Variants in PDE11A observed in about 807,000 individuals in gnomAD.
PDE11A encodes phosphodiesterase 11A, also known as dual 3',5'-cyclic-AMP and -GMP phosphodiesterase 11A.
In PDE11A, 100 loss-of-function variants were observed where a neutral mutation model predicts 100.5. The observed-to-expected ratio is 1.00, with a 90% CI of 0.85 to 1.18. PDE11A has a LOEUF of 1.18. Ranked by LOEUF, PDE11A falls within the 50% of genes most tolerant of loss-of-function variation. The pLI, the probability that PDE11A is intolerant of heterozygous loss-of-function variation, is 0.00. For missense variants in PDE11A, 1,141 were observed against 1,152.6 expected, an observed-to-expected ratio of 0.99 and a Z score of 0.15; for synonymous variants, 381 against 420.8, an observed-to-expected ratio of 0.91 and a Z score of 1.16.
At chr2:177,977,437 G>C (rs2105800218) in intron 2 of PDE11A, among the ~76,000 whole-genome samples, 1 of 133,396 alleles carries the variant, frequency 7.5e-6, no homozygotes, top group East Asian at 2.1e-4. Context: ...GGAAATAAAA[G>C]AGGACACAAA....
intron 5 of PDE11A, among the ~76,000 whole-genome samples, chr2:177,855,793 C>G: frequency 6.6e-6 from 1 of 151,970 alleles, no homozygotes; most frequent in Non-Finnish European, 1.5e-5. Flanking sequence ...ATAACACTTG[C>G]AGCTAACAAG....
chr2:177,954,681 A>C (rs985348267), intron 2 of PDE11A, among the ~76,000 whole-genome samples: 3 of 152,184 alleles, frequency 2.0e-5, no homozygotes, highest in African/African-American at 7.2e-5. Flanking sequence ...GCCATTCTGG[A>C]ATTTATCAAA....
At chr2:177,656,859 G>T (rs2080393978) in intron 19 of PDE11A, among the ~76,000 whole-genome samples, 1 of 152,232 alleles carries the variant, frequency 6.6e-6, no homozygotes, top group Non-Finnish European at 1.5e-5. Flanking sequence ...ATGGACCAAA[G>T]GGCTAGTGAG....
Position 178,023,443 on chromosome 2 carries a change from G to A in PDE11A, c.913-8983C>T, listed in dbSNP as rs1002625431. On this transcript the variant is annotated intron_variant, in intron 1 of 19. Coordinates refer to ENST00000286063, the MANE Select transcript of PDE11A (RefSeq NM_016953.4). ...GATTCAGAGTTGAGAATCTTATCCA[G>A]GTCCCACATTCATGGCAAAGATGGG... 2.0e-5 allele frequency among the ~76,000 whole-genome samples: 3 copies of A among 152,140 alleles called. No individual in the cohort carries two copies. The East Asian group carries it at 5.8e-4, about 29-fold the overall frequency.
intron 6 of PDE11A, among the ~76,000 whole-genome samples, chr2:177,832,576 T>C (rs1378776903): frequency 2.0e-5 from 3 of 151,854 alleles, no homozygotes; most frequent in African/African-American, 7.3e-5. Flanking sequence ...TATCTATCTA[T>C]CTATCTATCT....
intron 10 of PDE11A, among the ~76,000 whole-genome samples, chr2:177,728,385 G>A (rs1246529076): frequency 7.2e-6 from 1 of 139,330 alleles, no homozygotes; most frequent in Non-Finnish European, 1.6e-5. Context: ...TTGGGGGCGG[G>A]GGGAGGGAAA....
chr2:177,692,999 T>C (rs1216542012), intron 15 of PDE11A, among the ~76,000 whole-genome samples: 1 of 152,146 alleles, frequency 6.6e-6, no homozygotes, highest in African/African-American at 2.4e-5. Context: ...AGAGTGACTT[T>C]CTCCCTCTAG....
intron 10 of PDE11A, among the ~76,000 whole-genome samples, chr2:177,744,075 G>A (rs2081913148): frequency 6.6e-6 from 1 of 152,182 alleles, no homozygotes; most frequent in South Asian, 2.1e-4. Flanking sequence ...AGTAGGGCTG[G>A]AGACTTAAAA....
chr2:178,022,775 C>A (rs62183443), intron 1 of PDE11A, among the ~76,000 whole-genome samples: 33,661 of 151,890 alleles, frequency 0.22, 3,820 homozygotes, highest in Middle Eastern at 0.24. Flanking sequence ...TCCCTTGGGA[C>A]AAAAGAACAA....
At chr2:177,668,900 C>T (rs1010270284) in intron 18 of PDE11A, among the ~76,000 whole-genome samples, 34 of 152,246 alleles carry the variant, frequency 2.2e-4, no homozygotes, top group South Asian at 1.7e-3. Context: ...TGGTGACTGA[C>T]GCAGTTATGT....
intron 12 of PDE11A, among the ~76,000 whole-genome samples, chr2:177,724,211 T>G (rs970003904): frequency 6.6e-6 from 1 of 152,086 alleles, no homozygotes; most frequent in African/African-American, 2.4e-5. Context: ...AATTTATAAA[T>G]GTGAAATTTC....
intron 6 of PDE11A, among the ~76,000 whole-genome samples, chr2:177,832,822 G>A (rs750931871): frequency 1.1e-4 from 17 of 152,088 alleles, no homozygotes; most frequent in East Asian, 1.9e-4. Flanking sequence ...CCTTCCAAGC[G>A]CTAGCAGGCC....
intron 2 of PDE11A, among the ~76,000 whole-genome samples, chr2:177,929,666 T>C (rs2085179634): frequency 6.6e-6 from 1 of 152,188 alleles, no homozygotes; most frequent in Non-Finnish European, 1.5e-5. Flanking sequence ...CAGGAGGCTG[T>C]ATGTGGGTGA....
chr2:177,845,197 G>A (rs1326247672), intron 5 of PDE11A, among the ~76,000 whole-genome samples: 13 of 151,780 alleles, frequency 8.6e-5, no homozygotes, highest in Admixed American at 7.9e-4. Context: ...TCCCGGACGG[G>A]GTGGCTGCCG....
intron 10 of PDE11A, among the ~76,000 whole-genome samples, chr2:177,735,050 T>C (rs2081754994): frequency 6.6e-6 from 1 of 152,226 alleles, no homozygotes; most frequent in Non-Finnish European, 1.5e-5. Context: ...TTTGTAAAAT[T>C]AGTGTGGTCC....
At chr2:177,748,325 A>T (rs114861706) in intron 10 of PDE11A, among the ~76,000 whole-genome samples, 1,604 of 152,292 alleles carry the variant, frequency 0.011, 32 homozygotes, top group African/African-American at 0.036. Context: ...TTGGACTCAT[A>T]CAGGAGTCCT....
Position 177,908,687 on chromosome 2 carries a change from T to TCAGGGAC in PDE11A, c.1072-3507_1072-3501dup, listed in dbSNP as rs572752870. Among the ~76,000 whole-genome samples the TCAGGGAC allele has an allele frequency of 1.1e-4, 16 of 152,204 alleles. No individual in the cohort carries two copies. The East Asian group carries it at 2.3e-3, about 22-fold the overall frequency. ...GTCCAGCTATAGCGTGGAAAATGAATCAGGGACCAGGAACCAGGCTGTGTT... is the reference window on the plus strand; with the variant it reads ...GTCCAGCTATAGCGTGGAAAATGAATCAGGGACCAGGGACCAGGAACCAGGCTGTGTT... On this transcript the variant is annotated intron_variant, in intron 2 of 19. Coordinates refer to ENST00000286063, the MANE Select transcript of PDE11A (RefSeq NM_016953.4).
At chr2:177,663,654 C>T (rs2080520857) in intron 19 of PDE11A, among the ~76,000 whole-genome samples, 1 of 152,056 alleles carries the variant, frequency 6.6e-6, no homozygotes, top group African/African-American at 2.4e-5. Flanking sequence ...AGATTATATC[C>T]TAGAAAGTGG....
At chr2:177,778,700 G>C (rs752499553) in intron 9 of PDE11A, among the ~76,000 whole-genome samples, 7 of 152,154 alleles carry the variant, frequency 4.6e-5, no homozygotes, top group Admixed American at 1.3e-4. Context: ...CGACAGAAGT[G>C]TCATCTAACT....
Sources: allele counts gnomAD v4.1 joint callset (sites outside exome capture counted in the v4.1 genomes callset), GRCh38; gene constraint gnomAD v4.1.1; transcripts MANE v1.5; gene names NCBI Gene and HGNC (gene_info 2026-07-23, HGNC 2026-07-21).